Variants in FUT8 observed in about 807,000 individuals in gnomAD.
FUT8 encodes alpha-(1,6)-fucosyltransferase.
In FUT8, 29 loss-of-function variants were observed where a neutral mutation model predicts 71.3. That is an observed-to-expected ratio of 0.41 (90% CI 0.30 to 0.55). FUT8 has a LOEUF of 0.55. Among genes scored for constraint, FUT8 ranks in the 20% least tolerant of loss-of-function variants. The probability of loss-of-function intolerance (pLI) is 0.34; values close to 1 mark genes in which losing one functional copy is unlikely to be tolerated. For synonymous variants in FUT8, 254 were observed against 239.3 expected (o/e 1.06, Z -0.57); for missense variants, 544 against 702.1 (o/e 0.77, Z 2.55).
the FUT8 span, among the ~76,000 whole-genome samples, chr14:65,367,935 A>G: frequency 6.6e-6 from 1 of 152,178 alleles, no homozygotes; most frequent in Middle Eastern, 3.2e-3. Flanking sequence ...GATTTGGAAA[A>G]GAAAGTATCT....
intron 2 of FUT8, among the ~76,000 whole-genome samples, chr14:65,510,916 CA>C (rs1218316169): frequency 3.3e-5 from 5 of 151,984 alleles, no homozygotes; most frequent in Admixed American, 1.3e-4. Context: ...TTTCTGCTCT[CA>C]TCTTTATTAT....
In FUT8 at chr14:65,638,279, C is replaced by G. The variant is rs909855010; in HGVS notation, c.597+8673C>G. Among the ~76,000 whole-genome samples the G allele has an allele frequency of 3.9e-5, 6 of 152,188 alleles. No individual in the cohort carries two copies. Among genetic ancestry groups the G allele is most frequent in the East Asian group, 1.9e-4 (1 of 5,176 alleles). On this transcript the variant is annotated intron_variant, in intron 6 of 10. Transcript: ENST00000673929. This position sits in a 1 kb window ranked among gnomAD's most constrained non-coding sequence, Gnocchi z 4.5. ...CAGGCTGGTCTCAAACTTCTGAGCT[C>G]AAGCAGTCCTCCTGCCTCAGCTTCC...
intron 2 of FUT8, among the ~76,000 whole-genome samples, chr14:65,558,167 C>T (rs140204017): frequency 5.3e-5 from 8 of 151,828 alleles, no homozygotes; most frequent in African/African-American, 1.2e-4. Context: ...CCCATCTCTA[C>T]TAAAAATATA....
rs999712300 is a variant in FUT8, at chr14:65,472,575, C to A, written c.-228+16857C>A. ...TATTCTTATACTGTAAAAAAAAAAA[C>A]AACTTTATTTTTATAGCCTTTTTGG... On this transcript the variant is annotated intron_variant, in intron 2 of 10. Transcript: ENST00000673929. This position sits in a 1 kb window ranked among gnomAD's most constrained non-coding sequence, Gnocchi z 4.4. Among the ~76,000 whole-genome samples the A allele has an allele frequency of 1.5e-4, 23 of 150,986 alleles. No individual in the cohort carries two copies. Among genetic ancestry groups the A allele is most frequent in the African/African-American group, 2.7e-4 (11 of 41,048 alleles).
At chr14:65,558,955 TATATA>T (rs1490943902) in intron 2 of FUT8, among the ~76,000 whole-genome samples, 2 of 152,148 alleles carry the variant, frequency 1.3e-5, no homozygotes, top group South Asian at 2.1e-4. Context: ...TCAATATTGA[TATATA>T]ATATAGTAAT....
intron 2 of FUT8, among the ~76,000 whole-genome samples, chr14:65,529,955 C>T (rs1324766337): frequency 6.6e-6 from 1 of 152,084 alleles, no homozygotes; most frequent in African/African-American, 2.4e-5. Context: ...CCTTTGTGAG[C>T]TCTGGAAATT....
At chr14:65,385,191 G>A in the FUT8 span, among the ~76,000 whole-genome samples, 1 of 151,926 alleles carries the variant, frequency 6.6e-6, no homozygotes, top group Non-Finnish European at 1.5e-5. Flanking sequence ...GAGCCACCGC[G>A]CCCGGCCTTA....
chr14:65,635,638 A>T (rs1384428625), intron 6 of FUT8, among the ~76,000 whole-genome samples: 1 of 152,176 alleles, frequency 6.6e-6, no homozygotes, highest in Non-Finnish European at 1.5e-5. Context: ...TATGACATTT[A>T]TTGACTTGCG....
chr14:65,613,991 G>A (rs577148215), intron 3 of FUT8, among the ~76,000 whole-genome samples: 19 of 151,780 alleles, frequency 1.3e-4, no homozygotes, highest in East Asian at 9.7e-4. Context: ...GTGCATTCCC[G>A]TAATCCCATC....
intron 6 of FUT8, among the ~76,000 whole-genome samples, chr14:65,633,512 C>T (rs1160707487): frequency 2.0e-5 from 3 of 151,318 alleles, no homozygotes; most frequent in East Asian, 2.0e-4. Flanking sequence ...TCTGCCCAGC[C>T]GCCATCCCAT....
chr14:65,447,299 A>G (rs555776277), intron 1 of FUT8, among the ~76,000 whole-genome samples: 1 of 151,930 alleles, frequency 6.6e-6, no homozygotes, highest in Admixed American at 6.5e-5. Flanking sequence ...CTCAAAAAAA[A>G]AAAAAAAACC....
At chr14:65,357,524 C>T in the FUT8 span, among the ~76,000 whole-genome samples, 14 of 152,118 alleles carry the variant, frequency 9.2e-5, no homozygotes, top group Non-Finnish European at 2.1e-4. Context: ...GTTGAGATAC[C>T]CCCTTAATGG....
At chr14:65,418,477 A>G (rs1050435074) in intron 1 of FUT8, among the ~76,000 whole-genome samples, 2 of 152,234 alleles carry the variant, frequency 1.3e-5, no homozygotes, top group African/African-American at 4.8e-5. Flanking sequence ...ATGTTATTTA[A>G]TGACTTAAGC....
chr14:65,611,251 A>AAGTAATAGCCTTGATTTTG (rs1888942707), intron 3 of FUT8, among the ~76,000 whole-genome samples: 2 of 58,104 alleles, frequency 3.4e-5, no homozygotes, highest in African/African-American at 1.9e-4. Context: ...ACACACACAC[A>AAGTAATAGCCTTGATTTTG]CACACACACA....
At chr14:65,477,301 A>G (rs568686137) in intron 2 of FUT8, among the ~76,000 whole-genome samples, 88 of 152,232 alleles carry the variant, frequency 5.8e-4, no homozygotes, top group Non-Finnish European at 9.8e-4. Context: ...TAATGGCTCA[A>G]TAAATGTTAA....
intron 7 of FUT8, among the ~76,000 whole-genome samples, chr14:65,715,155 C>T (rs760939729): frequency 6.6e-6 from 1 of 152,124 alleles, no homozygotes; most frequent in African/African-American, 2.4e-5. Flanking sequence ...TGTTGTGTTC[C>T]AGATCTTAGA....
intron 2 of FUT8, among the ~76,000 whole-genome samples, chr14:65,537,545 G>A (rs1485229290): frequency 1.3e-5 from 2 of 151,862 alleles, no homozygotes; most frequent in Admixed American, 6.6e-5. Flanking sequence ...CTGCCACCAC[G>A]CCCGGCTAAT....
the FUT8 span, among the ~76,000 whole-genome samples, chr14:65,362,682 G>A: frequency 8.1e-4 from 124 of 152,256 alleles, no homozygotes; most frequent in African/African-American, 2.9e-3. Context: ...GTCCTCATTA[G>A]CCGGGCGTGG....
Position 65,413,043 on chromosome 14 carries a change from A to AAGC in FUT8, c.-496_-494dup, listed in dbSNP as rs952119138. The stretch of plus-strand genomic sequence containing the variant: ...AGTCAGTGGCGCCGAAGGCTCCGTT[A>AAGC]AGCGGCGGCGGCGGTTCCTGTTTCC... On this transcript the variant is annotated 5_prime_UTR_variant, in exon 1 of 11. Coordinates refer to ENST00000673929, the MANE Select transcript of FUT8 (RefSeq NM_001371533.1). The surrounding 1 kb of genome is among the most constrained non-coding windows in gnomAD (Gnocchi z 4.1). 3.9e-5 allele frequency: 6 copies of AAGC among 152,952 alleles called. No homozygotes were observed. The highest frequency in any genetic ancestry group is 1.4e-4 in the African/African-American group (6 of 41,438). The allele number at this position is 152,952 out of a possible 1,614,324, so 9.5% of individuals were successfully genotyped here.
Sources: allele counts gnomAD v4.1 joint callset (sites outside exome capture counted in the v4.1 genomes callset), GRCh38; gene constraint gnomAD v4.1.1; non-coding constraint Gnocchi (gnomAD v3.1); transcripts MANE v1.5; gene names NCBI Gene and HGNC (gene_info 2026-07-23, HGNC 2026-07-21).